Variants in MNT observed in about 807,000 individuals in gnomAD.
MNT encodes MAX network transcriptional repressor.
Under a neutral mutation model 40.7 loss-of-function variants are expected in MNT, and 13 were observed. That is an observed-to-expected ratio of 0.32 (90% confidence interval 0.21 to 0.51). The LOEUF (loss-of-function observed/expected upper bound fraction) is 0.51, where lower values mean the gene tolerates loss of function less well. Among genes scored for constraint, MNT ranks in the 20% least tolerant of loss-of-function variants. The probability of loss-of-function intolerance (pLI) is 0.98; values close to 1 mark genes in which losing one functional copy is unlikely to be tolerated. For missense variants in MNT, 757 were observed against 792.0 expected (o/e 0.96, Z 0.53); for synonymous variants, 426 against 354.8 (o/e 1.20, Z -2.26).
chr17:2,397,765 C>T (rs2066587689), intron 1 of MNT, among the ~76,000 whole-genome samples: 1 of 152,192 alleles, frequency 6.6e-6, no homozygotes, highest in Non-Finnish European at 1.5e-5. Flanking sequence ...CGGCAACCCT[C>T]TCCCTGTGCA....
rs776554134 is a variant in MNT at position 2,395,402 on chromosome 17, C to G, written c.126G>C (p.Lys42Asn). The G allele has an allele frequency of 4.3e-6, 7 of 1,613,488 alleles. No homozygotes were observed. Among genetic ancestry groups the G allele is most frequent in the Non-Finnish European group, 5.9e-6 (7 of 1,179,820 alleles). Residue 42 changes from lysine to asparagine, a missense_variant, in exon 2 of 6, where the codon AAG becomes AAC. Coordinates refer to ENST00000174618, the MANE Select transcript of MNT (RefSeq NM_020310.3). ...LEQEREQEQKKANSLARLAHT... is the reference protein window; with the variant it reads ...LEQEREQEQKNANSLARLAHT... ...GTGCCAGCCTGGCCAGGCTATTGGC[C>G]TTCTTCTGTTCCTGCTCTCGCTCCT...
rs779650100 is a variant in MNT at position 2,387,542 on chromosome 17, G to C, written c.1108C>G (p.Pro370Ala). The change falls in exon 6 of 6, where the codon CCC becomes GCC. Residue 370 changes from proline to alanine, a missense_variant. By Grantham distance (27) the Pro-to-Ala change is conservative. Around this residue, in one of 4 missense-constraint regions of MNT, gnomAD observed 345 missense variants for 380.1 expected, o/e 0.91. Coordinates refer to ENST00000174618, the MANE Select transcript of MNT (RefSeq NM_020310.3). ...QPELLKSTLP[P>A]PSTTPAPLPP... The stretch of plus-strand genomic sequence containing the variant: ...AGAGGCGCAGGGGTGGTGCTGGGGG[G>C]TGGCAGGGTGGACTTCAGCAGCTCC... 1.9e-6 allele frequency: 3 copies of C among 1,613,828 alleles called. No homozygotes were observed.
chr17:2,400,051 C>T (rs1315481921), intron 1 of MNT, among the ~76,000 whole-genome samples: 3 of 152,218 alleles, frequency 2.0e-5, no homozygotes, highest in African/African-American at 7.2e-5. Context: ...GCAAAGGCCG[C>T]CTCCGCCCCA....
chr17:2,387,528 G>A lies in MNT; in HGVS notation c.1122C>T (p.Thr374=). ...GTGGGTGTGGAGGCAGAGGCGCAGG[G>A]GTGGTGCTGGGGGGTGGCAGGGTGG... is the stretch of plus-strand genomic sequence containing the variant. The part of the protein sequence containing the change: ...LKSTLPPPST[T]PAPLPPHPHP... The change falls in exon 6 of 6, where the codon ACC becomes ACT. Residue 374 remains threonine (T), a synonymous_variant. Transcript: ENST00000174618. 1 of 1,613,580 alleles carries A rather than the reference G, an allele frequency of 6.2e-7. No individual in the cohort carries two copies. The highest frequency in any genetic ancestry group is 8.5e-7 in the Non-Finnish European group (1 of 1,179,876).
rs746618845 is a variant in MNT at position 2,387,236 on chromosome 17, G to A, written c.1414C>T (p.Pro472Ser). Residue 472 changes from proline to serine, a missense_variant, in exon 6 of 6, where the codon CCC becomes TCC. Around this residue, in one of 4 missense-constraint regions of MNT, gnomAD observed 345 missense variants for 380.1 expected, o/e 0.91. Transcript: ENST00000174618. ...TGCACCGCAGGGCTGGGGGCCGAGGGGGCGATGTGGGCGATGTGCTTGCCG... is the reference window on the plus strand; with the variant it reads ...TGCACCGCAGGGCTGGGGGCCGAGGAGGCGATGTGGGCGATGTGCTTGCCG... The part of the protein sequence containing the change: ...PGGKHIAHIA[P>S]SAPSPAVQLA... 1.1e-5 allele frequency: 17 copies of A among 1,612,254 alleles called. No individual in the cohort carries two copies. In the Admixed American group the frequency reaches 2.8e-4, roughly 27 times the overall value.
chr17:2,399,767 G>T (rs1247422164), intron 1 of MNT, among the ~76,000 whole-genome samples: 2 of 152,212 alleles, frequency 1.3e-5, no homozygotes, highest in Non-Finnish European at 2.9e-5. Context: ...GTCACCACCC[G>T]GTGTAACCAA....
In MNT at chr17:2,395,351, G is replaced by T; in HGVS notation, c.177C>A (p.Arg59=). ...LAHTLPVEEP[R]MEAPPLPLSP... ...ACAGAGGCAGGGGTGGCGCCTCCATGCGGGGTTCCTCCACAGGAAGGGTAT... is the reference window on the plus strand; with the variant it reads ...ACAGAGGCAGGGGTGGCGCCTCCATTCGGGGTTCCTCCACAGGAAGGGTAT... Residue 59 remains arginine, a synonymous_variant, in exon 2 of 6, where the codon CGC becomes CGA. Coordinates refer to ENST00000174618, the MANE Select transcript of MNT (RefSeq NM_020310.3). 1.2e-6 allele frequency: 2 copies of T among 1,613,020 alleles called. No individual in the cohort carries two copies. The highest frequency in any genetic ancestry group is 2.2e-5 in the South Asian group (2 of 91,072).
At chr17:2,390,365 G>A (rs1291572394) in intron 4 of MNT, 1 of 152,304 alleles carries the variant, frequency 6.6e-6, no homozygotes, top group Admixed American at 6.5e-5. Context: ...CAAACCCCAG[G>A]TACTGGTCCG....
chr17:2,388,098 G>C (rs1039523265), intron 4 of MNT, 49 bp from the exon 5 acceptor site: 3 of 1,496,488 alleles, frequency 2.0e-6, no homozygotes, highest in Non-Finnish European at 2.7e-6. Flanking sequence ...AGCAGCCTTG[G>C]GGCCCAAAGC....
chr17:2,394,817 C>G, intron 2 of MNT, 58 bp downstream of exon 2: 1 of 1,315,296 alleles, frequency 7.6e-7, no homozygotes. Context: ...GCACACAGCC[C>G]GGGGGATGGG....
At position 2,386,800 on chromosome 17, in the gene MNT, C is replaced by T; in HGVS notation, c.*101G>A. The T allele has an allele frequency of 7.7e-7, 1 of 1,292,302 alleles. No individual in the cohort carries two copies. Among genetic ancestry groups the T allele is most frequent in the Non-Finnish European group, 1.0e-6 (1 of 974,226 alleles). 80.1% of individuals were successfully genotyped at this position (1,292,302 alleles called of 1,614,324 possible). ...GGAGGCCTGGGGGTGGGTGGGGGGG[C>T]TGGCCTGGGCCTGGCTGGAATGTGT... On this transcript the variant is annotated 3_prime_UTR_variant, in exon 6 of 6. Transcript: ENST00000174618.
At position 2,394,142 on chromosome 17, in the gene MNT, C is replaced by T. The variant is rs1468972931; in HGVS notation, c.708G>A (p.Leu236=). ...NKLEKNRRAH[L]KECFETLKRN... Reference sequence around the variant, plus strand: ...GCTTCAGGGTCTCAAAGCACTCTTTCAGATGGGCCCTCCTGAAGAGAGGGG... The same window carrying T: ...GCTTCAGGGTCTCAAAGCACTCTTTTAGATGGGCCCTCCTGAAGAGAGGGG... Residue 236 remains leucine, a synonymous_variant, in exon 4 of 6, where the codon CTG becomes CTA. Coordinates refer to ENST00000174618, the MANE Select transcript of MNT (RefSeq NM_020310.3). 1.2e-6 allele frequency: 2 copies of T among 1,609,220 alleles called. No individual in the cohort carries two copies. Among genetic ancestry groups the T allele is most frequent in the East Asian group, 2.2e-5 (1 of 44,550 alleles).
chr17:2,399,662 C>A (rs905937845), intron 1 of MNT, among the ~76,000 whole-genome samples: 1 of 152,202 alleles, frequency 6.6e-6, no homozygotes, highest in South Asian at 2.1e-4. Flanking sequence ...AGGCCCCGCC[C>A]CCGGCCGAGC....
intron 4 of MNT, among the ~76,000 whole-genome samples, chr17:2,393,464 G>A (rs1359349308): frequency 6.6e-6 from 1 of 152,046 alleles, no homozygotes; most frequent in Non-Finnish European, 1.5e-5. Context: ...GCTGTTTGCC[G>A]CCCAGTCAAA....
chr17:2,384,486 C>G lies in MNT; in HGVS notation c.*2415G>C, dbSNP rs962993078. On this transcript the variant is annotated 3_prime_UTR_variant, in exon 6 of 6. Transcript: ENST00000174618. ...GGCATTCCCTGCCTTCTTTGGCCCC[C>G]CAAGGAACCAACCTCCCCCTCTCCC... The G allele has an allele frequency of 2.6e-5, 4 of 152,476 alleles. No homozygotes were observed. The highest frequency in any genetic ancestry group is 9.7e-5 in the African/African-American group (4 of 41,344). The allele number at this position is 152,476 out of a possible 1,614,324, so 9.4% of individuals were successfully genotyped here.
At position 2,387,921 on chromosome 17, in the gene MNT, AATCTCCAGTACGTCC is replaced by A; in HGVS notation, c.921_935del (p.Met307_Glu311del). ...GGCCCGTCTGCCGCAGCACGCGGTC[AATCTCCAGTACGTCC>A]ATCCACTGGCTCAGCTCGTGCTTGA... On this transcript the variant is annotated inframe_deletion, in exon 5 of 6. Transcript: ENST00000174618. 6.2e-7 allele frequency: 1 copy of A among 1,609,244 alleles called. No individual in the cohort carries two copies. Among genetic ancestry groups the A allele is most frequent in the Non-Finnish European group, 8.5e-7 (1 of 1,179,274 alleles).
chr17:2,388,092 G>A (rs2151665032), intron 4 of MNT, 43 bp from the exon 5 acceptor site: 2 of 1,503,566 alleles, frequency 1.3e-6, no homozygotes, highest in East Asian at 2.5e-5. Flanking sequence ...CTGAGCAGCA[G>A]CCTTGGGGCC....
chr17:2,400,385 G>A (rs918795346), intron 1 of MNT: 33 of 410,438 alleles, frequency 8.0e-5, no homozygotes, highest in East Asian at 2.5e-4. Flanking sequence ...CCACAGAAGG[G>A]GCACAGGGGT....
chr17:2,393,589 G>C (rs912160163), intron 4 of MNT, among the ~76,000 whole-genome samples: 4 of 152,228 alleles, frequency 2.6e-5, no homozygotes, highest in African/African-American at 7.2e-5. Context: ...GCGCCGCAGC[G>C]TGGACGGGGA....
Sources: gnomAD v4.1 joint callset for allele counts (sites outside exome capture counted in the v4.1 genomes callset) on GRCh38, gnomAD v4.1.1 for gene constraint, gnomAD v4.1.1 regional missense constraint, MANE v1.5 for transcripts, NCBI Gene and HGNC (gene_info 2026-07-23, HGNC 2026-07-21) for gene names.